NRXN1: variants seen among roughly 807,000 people sequenced by gnomAD.
The protein encoded by NRXN1 is neurexin 1, also known as neurexin-1.
In NRXN1, 39 loss-of-function variants were observed where a neutral mutation model predicts 150.9. The observed-to-expected ratio is 0.26, with a 90% CI of 0.20 to 0.34. The LOEUF (loss-of-function observed/expected upper bound fraction) is 0.34. Among genes scored for constraint, NRXN1 ranks in the 10% least tolerant of loss-of-function variants. NRXN1 has a pLI of 1.00. For synonymous variants in NRXN1, 924 were observed against 757.0 expected (o/e 1.22, Z -3.62); for missense variants, 1,815 against 1,949.9 (o/e 0.93, Z 1.30).
intron 5 of NRXN1, chr2:50,829,791 A>G: frequency 6.6e-7 from 1 of 1,510,106 alleles, no homozygotes; most frequent in East Asian, 2.5e-5. Flanking sequence ...GTTTTTATTT[A>G]TGAAGTAACT....
intron 5 of NRXN1, among the ~76,000 whole-genome samples, chr2:50,795,326 T>C (rs572739594): frequency 1.3e-5 from 2 of 152,198 alleles, no homozygotes; most frequent in South Asian, 4.2e-4. Context: ...AAGACCCAAT[T>C]TTCTTCATGA....
intron 17 of NRXN1, among the ~76,000 whole-genome samples, chr2:50,319,605 T>C (rs1236328226): frequency 6.6e-6 from 1 of 152,172 alleles, no homozygotes; most frequent in Admixed American, 6.5e-5. Context: ...TTGTGTAATT[T>C]GCCTAGATTC....
At chr2:50,958,048 C>T (rs932563518) in intron 2 of NRXN1, among the ~76,000 whole-genome samples, 2 of 152,040 alleles carry the variant, frequency 1.3e-5, no homozygotes, top group Admixed American at 1.3e-4. Context: ...AGATCAGAAT[C>T]CTCTGTTTAT....
intron 5 of NRXN1, among the ~76,000 whole-genome samples, chr2:50,909,234 T>G (rs1684188114): frequency 6.6e-6 from 1 of 151,936 alleles, no homozygotes; most frequent in Non-Finnish European, 1.5e-5. Flanking sequence ...AAAGAAAAAC[T>G]TTTTAATAAT....
chr2:50,212,049 A>ATATATAT (rs1559100237), intron 18 of NRXN1, among the ~76,000 whole-genome samples: 3 of 151,754 alleles, frequency 2.0e-5, no homozygotes, highest in East Asian at 1.9e-4. Context: ...AACTAAATCC[A>ATATATAT]CTATATATTC....
chr2:50,092,665 C>T (rs968709574), intron 18 of NRXN1, among the ~76,000 whole-genome samples: 1 of 152,188 alleles, frequency 6.6e-6, no homozygotes, highest in Non-Finnish European at 1.5e-5. Flanking sequence ...AGTATGGAAT[C>T]AGCTTACACT....
In NRXN1 at chr2:50,745,718, G is replaced by T. The variant is rs1348237132; in HGVS notation, c.833-122103C>A. Among the ~76,000 whole-genome samples the T allele has an allele frequency of 3.3e-5, 5 of 152,084 alleles. No individual in the cohort carries two copies. The East Asian group carries it at 9.7e-4, about 29-fold the overall frequency. ...TGTCCTTCCTCACATGGCAGCAGGA[G>T]ACAGAAGAACGAGAACCGATTAAAG... On this transcript the variant is annotated intron_variant, in intron 5 of 22. Transcript: ENST00000401669.
Position 49,939,485 on chromosome 2 carries a change from T to A in NRXN1, c.4216+4219A>T, listed in dbSNP as rs142900660. 7.2e-5 allele frequency among the ~76,000 whole-genome samples: 11 copies of A among 152,270 alleles called. No individual in the cohort carries two copies. The East Asian group carries it at 1.9e-3, about 27-fold the overall frequency. The stretch of plus-strand genomic sequence containing the variant: ...CTTTTGTATTCTGAAACTGATCATA[T>A]CAATGTGAAGTTATCATCCAATGCT... On this transcript the variant is annotated intron_variant, in intron 22 of 22. Transcript: ENST00000401669.
At chr2:50,641,547 G>A (rs1180339413) in intron 5 of NRXN1, among the ~76,000 whole-genome samples, 1 of 151,924 alleles carries the variant, frequency 6.6e-6, no homozygotes, top group Non-Finnish European at 1.5e-5. Context: ...GCATACAACC[G>A]AGAGACATCA....
At chr2:50,459,295 A>G (rs955557895) in intron 17 of NRXN1, among the ~76,000 whole-genome samples, 2 of 152,210 alleles carry the variant, frequency 1.3e-5, no homozygotes, top group Non-Finnish European at 2.9e-5. Flanking sequence ...CCTGATTAAT[A>G]AAATGATACT....
At chr2:50,544,320 C>T (rs1169018222) in intron 9 of NRXN1, among the ~76,000 whole-genome samples, 1 of 151,738 alleles carries the variant, frequency 6.6e-6, no homozygotes, top group African/African-American at 2.4e-5. Context: ...TAAAAAAGAA[C>T]CAACATATTA....
chr2:50,273,149 T>A (rs147591736), intron 17 of NRXN1, among the ~76,000 whole-genome samples: 2 of 152,258 alleles, frequency 1.3e-5, no homozygotes, highest in African/African-American at 4.8e-5. Context: ...ACAGAGAGCG[T>A]TGGGCAACTC....
At chr2:50,310,483 TG>T (rs1445432525) in intron 17 of NRXN1, among the ~76,000 whole-genome samples, 1 of 152,210 alleles carries the variant, frequency 6.6e-6, no homozygotes, top group African/African-American at 2.4e-5. Flanking sequence ...AGTGATATTT[TG>T]TTTCTATTTT....
chr2:50,471,945 G>A (rs950791799), intron 16 of NRXN1, among the ~76,000 whole-genome samples: 5 of 151,704 alleles, frequency 3.3e-5, no homozygotes, highest in African/African-American at 1.2e-4. Context: ...ACTCGGTGGA[G>A]CAGTATTTGT....
intron 5 of NRXN1, among the ~76,000 whole-genome samples, chr2:50,738,921 T>A (rs965848976): frequency 8.5e-5 from 13 of 152,128 alleles, no homozygotes; most frequent in Admixed American, 7.9e-4. Flanking sequence ...CAATTAGAAT[T>A]GTCACCAGAT....
chr2:50,428,796 T>C (rs2084710771), intron 17 of NRXN1, among the ~76,000 whole-genome samples: 1 of 152,216 alleles, frequency 6.6e-6, no homozygotes, highest in Non-Finnish European at 1.5e-5. Flanking sequence ...TCTCATTTAA[T>C]GTGCACAAAA....
intron 2 of NRXN1, among the ~76,000 whole-genome samples, chr2:50,926,195 T>A (rs1356664482): frequency 6.6e-6 from 1 of 151,912 alleles, no homozygotes; most frequent in Non-Finnish European, 1.5e-5. Context: ...TGCAAAGAGT[T>A]TTTAAAAAAA....
At chr2:50,206,980 T>C (rs1374007646) in intron 18 of NRXN1, among the ~76,000 whole-genome samples, 1 of 151,904 alleles carries the variant, frequency 6.6e-6, no homozygotes, top group Middle Eastern at 3.4e-3. Flanking sequence ...TGTCATAATA[T>C]TGAAATTAAT....
At chr2:50,157,789 A>G (rs1232298868) in intron 18 of NRXN1, among the ~76,000 whole-genome samples, 1 of 151,958 alleles carries the variant, frequency 6.6e-6, no homozygotes, top group Non-Finnish European at 1.5e-5. Flanking sequence ...TTAAAGTGGC[A>G]CTCTGGATTT....
Sources: allele counts gnomAD v4.1 joint callset (sites outside exome capture counted in the v4.1 genomes callset), GRCh38; gene constraint gnomAD v4.1.1; transcripts MANE v1.5; gene names NCBI Gene and HGNC (gene_info 2026-07-23, HGNC 2026-07-21).